Variants in FAM107B observed in about 807,000 individuals in gnomAD.
FAM107B encodes family with sequence similarity 107 member B.
A neutral mutation model predicts 31.5 loss-of-function variants in FAM107B; 21 were observed. The ratio of observed to expected loss-of-function variants is 0.67; its 90% CI spans 0.47 to 0.96. The LOEUF (loss-of-function observed/expected upper bound fraction) is 0.96, where lower values mean the gene tolerates loss of function less well. Among genes scored for constraint, FAM107B ranks in the 40% least tolerant of loss-of-function variants. The pLI is 0.00. For synonymous variants in FAM107B, 157 were observed against 141.5 expected (o/e 1.11, Z -0.78); for missense variants, 452 against 377.1 (o/e 1.20, Z -1.64).
chr10:14,658,370 G>C (rs1259345651), intron 2 of FAM107B, among the ~76,000 whole-genome samples: 1 of 152,190 alleles, frequency 6.6e-6, no homozygotes, highest in Non-Finnish European at 1.5e-5. Context: ...TCAGGACAAA[G>C]GAAGTCTATT....
intron 2 of FAM107B, among the ~76,000 whole-genome samples, chr10:14,582,203 T>A (rs958700190): frequency 5.9e-5 from 9 of 151,994 alleles, no homozygotes; most frequent in Admixed American, 5.2e-4. Flanking sequence ...TTCTTTGCTA[T>A]CCCCGTAAAT....
rs561070511 is a variant in FAM107B at position 14,755,496 on chromosome 10, C to CA, written c.411+18756dup. ...GCAGAGGTTGTGTGAGATTCTGTCT[C>CA]AAAAAAAAAAAAAAGAAAAAAGAAA... On this transcript the variant is annotated intron_variant, in intron 1 of 4. Transcript: ENST00000181796. Among the ~76,000 whole-genome samples the CA allele has an allele frequency of 6.3e-3, 714 of 113,706 alleles. 6 individuals are homozygous for CA. Among genetic ancestry groups the CA allele is most frequent in the South Asian group, 0.053 (186 of 3,538 alleles). The allele number at this position is 113,706 out of a possible 152,430, so 74.6% of individuals were successfully genotyped here.
rs760816056 is a variant in FAM107B at position 14,533,930 on chromosome 10, G to A, written c.470-3415C>T. 6.7e-5 allele frequency among the ~76,000 whole-genome samples: 10 copies of A among 148,650 alleles called. No homozygotes were observed. The South Asian group carries it at 1.0e-3, about 16-fold the overall frequency. The stretch of plus-strand genomic sequence containing the variant: ...ACGGGCACTGCGAGCCGGTGCAGGA[G>A]GGGGGGGCTGCGGTTGACTTTTCAG... On this transcript the variant is annotated intron_variant, in intron 2 of 4. Transcript: ENST00000181796.
At chr10:14,570,541 C>A (rs909745956) in intron 2 of FAM107B, among the ~76,000 whole-genome samples, 1 of 152,226 alleles carries the variant, frequency 6.6e-6, no homozygotes, top group African/African-American at 2.4e-5. Context: ...GTGGCTGACG[C>A]CTATAATCCC....
chr10:14,687,710 C>G (rs1855023723), intron 1 of FAM107B, among the ~76,000 whole-genome samples: 1 of 152,134 alleles, frequency 6.6e-6, no homozygotes, highest in South Asian at 2.1e-4. Context: ...CACTTCCATT[C>G]CATTTCTGCC....
chr10:14,745,702 A>C lies in FAM107B; in HGVS notation c.411+28551T>G, dbSNP rs371209760. Among the ~76,000 whole-genome samples the C allele has an allele frequency of 1.2e-4, 19 of 152,248 alleles. 1 individual carries two copies. The South Asian group carries it at 3.3e-3, about 27-fold the overall frequency. ...TATCTCTGTTATTTTGCATTTGCTG[A>C]GGAGTATTTTACTTCCAATTATGTG... is the stretch of plus-strand genomic sequence containing the variant. On this transcript the variant is annotated intron_variant, in intron 1 of 4. Coordinates refer to ENST00000181796, the MANE Select transcript of FAM107B (RefSeq NM_031453.4).
intron 2 of FAM107B, among the ~76,000 whole-genome samples, chr10:14,614,176 T>G (rs940732515): frequency 6.6e-6 from 1 of 152,086 alleles, no homozygotes; most frequent in South Asian, 2.1e-4. Context: ...TCTTTCCCCC[T>G]AAACAGTCGT....
At chr10:14,608,094 C>T (rs1852638144) in intron 2 of FAM107B, among the ~76,000 whole-genome samples, 3 of 152,110 alleles carry the variant, frequency 2.0e-5, no homozygotes, top group African/African-American at 4.8e-5. Context: ...CTACTTTGGT[C>T]ATTTTGTTCA....
At chr10:14,687,771 C>T (rs1855025264) in intron 1 of FAM107B, among the ~76,000 whole-genome samples, 1 of 152,136 alleles carries the variant, frequency 6.6e-6, no homozygotes, top group African/African-American at 2.4e-5. Flanking sequence ...CATGATAGAA[C>T]CACTTCTAGA....
intron 1 of FAM107B, among the ~76,000 whole-genome samples, chr10:14,772,775 C>T (rs1448449679): frequency 6.6e-6 from 1 of 152,140 alleles, no homozygotes; most frequent in Non-Finnish European, 1.5e-5. Context: ...ATGGATGTGG[C>T]CCCATTTTGT....
At chr10:14,561,337 G>C (rs1850222825) in intron 2 of FAM107B, among the ~76,000 whole-genome samples, 1 of 152,334 alleles carries the variant, frequency 6.6e-6, no homozygotes, top group Admixed American at 6.5e-5. Context: ...GGGAAATACA[G>C]GTAAGGCAAT....
chr10:14,731,080 C>T (rs1394105104), intron 1 of FAM107B, among the ~76,000 whole-genome samples: 1 of 152,144 alleles, frequency 6.6e-6, no homozygotes. Context: ...TTTGAACCTG[C>T]TCACTTTGGT....
At chr10:14,695,216 G>A (rs554313179) in intron 1 of FAM107B, among the ~76,000 whole-genome samples, 1 of 152,232 alleles carries the variant, frequency 6.6e-6, no homozygotes, top group East Asian at 1.9e-4. Flanking sequence ...TTTCTTGCAT[G>A]TGGAAATCCA....
At chr10:14,735,188 T>C (rs540307918) in intron 1 of FAM107B, among the ~76,000 whole-genome samples, 1 of 152,270 alleles carries the variant, frequency 6.6e-6, no homozygotes, top group African/African-American at 2.4e-5. Context: ...AGATCAAGCA[T>C]GTCCAACCCA....
At chr10:14,701,759 A>G (rs1239954256) in intron 1 of FAM107B, among the ~76,000 whole-genome samples, 2 of 151,278 alleles carry the variant, frequency 1.3e-5, no homozygotes, top group African/African-American at 4.8e-5. Flanking sequence ...GAGGCATTGT[A>G]TGATATCAAA....
chr10:14,529,665 T>A (rs1846722150), intron 3 of FAM107B: 1 of 152,082 alleles, frequency 6.6e-6, no homozygotes, highest in East Asian at 1.9e-4. Context: ...TAGCCTTTCA[T>A]CCTCAGTTCT....
At chr10:14,762,649 G>T (rs1310045977) in intron 1 of FAM107B, among the ~76,000 whole-genome samples, 2 of 151,964 alleles carry the variant, frequency 1.3e-5, no homozygotes, top group African/African-American at 4.8e-5. Context: ...TCAGCTACTG[G>T]AAAGGCTGAG....
chr10:14,565,298 A>G (rs563413921), intron 2 of FAM107B, among the ~76,000 whole-genome samples: 1 of 152,298 alleles, frequency 6.6e-6, no homozygotes, highest in East Asian at 1.9e-4. Context: ...AGCCGAGGTC[A>G]CCATGAGAAC....
At chr10:14,690,674 G>A (rs1051016325) in intron 1 of FAM107B, among the ~76,000 whole-genome samples, 16 of 151,966 alleles carry the variant, frequency 1.1e-4, no homozygotes, top group African/African-American at 3.1e-4. Context: ...GGATGGTCTC[G>A]ATCTCCTGAC....
Sources: gnomAD v4.1 joint callset for allele counts (sites outside exome capture counted in the v4.1 genomes callset) on GRCh38, gnomAD v4.1.1 for gene constraint, MANE v1.5 for transcripts, NCBI Gene and HGNC (gene_info 2026-07-23, HGNC 2026-07-21) for gene names.